The following CFH variants were observed in gnomAD, a reference collection of about 807,000 sequenced individuals.
The protein encoded by CFH is complement factor H.
A neutral mutation model predicts 147.3 loss-of-function variants in CFH; 53 were observed. The observed-to-expected ratio is 0.36, with a 90% CI of 0.29 to 0.45. The LOEUF (loss-of-function observed/expected upper bound fraction) is 0.45. Ranked by LOEUF, CFH falls within the 20% of genes least tolerant of loss-of-function variation. The pLI is 1.00. For synonymous variants in CFH, 536 were observed against 489.4 expected, an observed-to-expected ratio of 1.10 and a Z score of -1.26; for missense variants, 1,380 against 1,498.0, an observed-to-expected ratio of 0.92 and a Z score of 1.30.
rs144992516 is a variant in CFH at position 196,694,024 on chromosome 1, T to C, written c.1336+3785T>C. Among the ~76,000 whole-genome samples, 648 of 151,218 alleles carry C rather than the reference T, an allele frequency of 4.3e-3. 3 individuals carry two copies. Among genetic ancestry groups the C allele is most frequent in the Middle Eastern group, 6.8e-3 (2 of 294 alleles). ...TTATTATACTTTAAGTTCTGGGATA[T>C]ATGTGCAGAACGTGCAGGTTTGTTA... On this transcript the variant is annotated intron_variant, in intron 9 of 21. Transcript: ENST00000367429.
Position 196,736,878 on chromosome 1 carries a change from T to C in CFH, c.2468T>C (p.Met823Thr), listed in dbSNP as rs1226060948. ...PPPQIPNSHNMTTTLNYRDGE... is the reference protein window; with the variant it reads ...PPPQIPNSHNTTTTLNYRDGE... ...CCTCAGATTCCCAATTCTCACAATA[T>C]GACAACCACACTGAATTATCGGGAT... Residue 823 changes from methionine (M) to threonine (T), a missense_variant, in exon 16 of 22, where the codon ATG becomes ACG. Met to Thr is a moderately conservative substitution (Grantham distance 81). Coordinates refer to ENST00000367429, the MANE Select transcript of CFH (RefSeq NM_000186.4). The C allele has an allele frequency of 1.3e-6, 2 of 1,599,770 alleles. No homozygotes were observed. Among genetic ancestry groups the C allele is most frequent in the Admixed American group, 1.7e-5 (1 of 58,694 alleles).
rs186251475 is a variant in CFH at position 196,701,879 on chromosome 1, A to T, written c.1336+11640A>T. 4.6e-3 allele frequency among the ~76,000 whole-genome samples: 697 copies of T among 152,300 alleles called. 4 individuals carry two copies. The highest frequency in any genetic ancestry group is 0.016 in the African/African-American group (660 of 41,572). On this transcript the variant is annotated intron_variant, in intron 9 of 21. Coordinates refer to ENST00000367429, the MANE Select transcript of CFH (RefSeq NM_000186.4). ...CAAAAAAAGATTATCTTACTTTTTA[A>T]CATGGCTTAACCTTAATACCCACTG... is the stretch of plus-strand genomic sequence containing the variant.
chr1:196,691,025 A>ATTT (rs1457097664), intron 9 of CFH, among the ~76,000 whole-genome samples: 2 of 152,052 alleles, frequency 1.3e-5, no homozygotes, highest in African/African-American at 4.8e-5. Context: ...TTGCAGTTCG[A>ATTT]TTTTACAGGC....
In CFH at chr1:196,685,090, C is replaced by T; in HGVS notation, c.817C>T (p.Pro273Ser). 1.9e-6 allele frequency: 3 copies of T among 1,610,656 alleles called. No individual in the cohort carries two copies. The highest frequency in any genetic ancestry group is 2.7e-5 in the African/African-American group (2 of 74,868). ...AAAATCATGTGATAATCCTTATATT[C>T]CAAATGGTGACTACTCACCTTTAAG... ...EEKSCDNPYI[P>S]NGDYSPLRIK... Residue 273 changes from proline (P) to serine (S), a missense_variant, in exon 7 of 22, where the codon CCA (proline) becomes TCA (serine). Physicochemically the swap from Pro to Ser is moderately conservative, Grantham distance 74 (BLOSUM62 -1). Around this residue, in one of 4 missense-constraint regions of CFH, gnomAD observed 167 missense variants for 228.0 expected, o/e 0.73. Transcript: ENST00000367429.
Position 196,736,983 on chromosome 1 carries a change from G to A in CFH, c.2573G>A (p.Trp858Ter), listed in dbSNP as rs1315461639. ...GEEITCKDGR[W>*]QSIPLCVEKI... is the part of the protein sequence containing the mutation. ...GAAATTACATGCAAAGATGGAAGAT[G>A]GCAGTCAATACCACTCTGTGTTGGT... Residue 858 changes from tryptophan to a stop codon, truncating the protein, a stop_gained, in exon 16 of 22, where the codon TGG (tryptophan) becomes TAG (stop). Transcript: ENST00000367429. LOFTEE classifies it high-confidence loss of function. 6.2e-7 allele frequency: 1 copy of A among 1,610,476 alleles called. No individual in the cohort carries two copies. The highest frequency in any genetic ancestry group is 8.5e-7 in the Non-Finnish European group (1 of 1,177,744).
Position 196,725,244 on chromosome 1 carries a change from A to T in CFH, c.1820A>T (p.Asn607Ile). Residue 607 changes from asparagine to isoleucine, a missense_variant, in exon 12 of 22, where the codon AAT (asparagine) becomes ATT (isoleucine). By Grantham distance (149) the Asn-to-Ile change is moderately radical. Coordinates refer to ENST00000367429, the MANE Select transcript of CFH (RefSeq NM_000186.4). ...CCAGGATTTACAATAGTTGGACCTA[A>T]TTCCGTTCAGTGCTACCACTTTGGA... ...CKPGFTIVGP[N>I]SVQCYHFGLS... 6.2e-7 allele frequency: 1 copy of T among 1,614,012 alleles called. No homozygotes were observed. Among genetic ancestry groups the T allele is most frequent in the Non-Finnish European group, 8.5e-7 (1 of 1,179,926 alleles).
chr1:196,693,155 T>A (rs930166809), intron 9 of CFH, among the ~76,000 whole-genome samples: 2 of 151,988 alleles, frequency 1.3e-5, no homozygotes, highest in African/African-American at 4.8e-5. Flanking sequence ...TTTAATAAAA[T>A]CTAAATTCCT....
At chr1:196,712,244 G>GCC (rs1385144040) in intron 9 of CFH, among the ~76,000 whole-genome samples, 5 of 151,634 alleles carry the variant, frequency 3.3e-5, no homozygotes, top group African/African-American at 1.2e-4. Context: ...TTCTTGCCTG[G>GCC]TCTTTTACCT....
In CFH at chr1:196,726,306, A is replaced by G. The variant is rs1198111403; in HGVS notation, c.1874-164A>G. ...TATACCTTCAATATGACAATTTAGT[A>G]TAAGTAATACAATATGAACACCATT... On this transcript the variant is annotated intron_variant, in intron 12 of 21. Transcript: ENST00000367429. Among the ~76,000 whole-genome samples the G allele has an allele frequency of 2.6e-5, 4 of 152,346 alleles. No individual in the cohort carries two copies. In the East Asian group the frequency reaches 5.8e-4, roughly 22 times the overall value.
At chr1:196,743,801 A>G (rs1652902568) in intron 20 of CFH, among the ~76,000 whole-genome samples, 173 bp downstream of exon 20, 1 of 152,192 alleles carries the variant, frequency 6.6e-6, no homozygotes, top group Non-Finnish European at 1.5e-5. Flanking sequence ...AATAGGGTAT[A>G]TTATTTTCCA....
At chr1:196,683,194 CAGG>C (rs745884018) in intron 6 of CFH, among the ~76,000 whole-genome samples, 2 of 151,396 alleles carry the variant, frequency 1.3e-5, no homozygotes, top group Non-Finnish European at 3.0e-5. Flanking sequence ...CAAGGAGAAG[CAGG>C]AGAACATAAA....
chr1:196,715,268 C>G (rs1668841298), intron 10 of CFH, among the ~76,000 whole-genome samples: 1 of 151,728 alleles, frequency 6.6e-6, no homozygotes, highest in South Asian at 2.1e-4. Flanking sequence ...TTATGATTTT[C>G]TTTAAAAAAT....
chr1:196,675,499 G>A (rs987227406), intron 3 of CFH, among the ~76,000 whole-genome samples: 5 of 152,050 alleles, frequency 3.3e-5, no homozygotes, highest in African/African-American at 9.7e-5. Flanking sequence ...ACAGAAATAC[G>A]GTCTAAGACT....
At chr1:196,684,244 T>C (rs533443111) in intron 6 of CFH, among the ~76,000 whole-genome samples, 13 of 152,104 alleles carry the variant, frequency 8.5e-5, no homozygotes, top group African/African-American at 3.1e-4. Context: ...TGTTTATGTA[T>C]TGTTTTTCAT....
intron 11 of CFH, among the ~76,000 whole-genome samples, chr1:196,716,282 A>C (rs1303299650): frequency 1.3e-5 from 2 of 152,124 alleles, no homozygotes; most frequent in African/African-American, 4.8e-5. Flanking sequence ...TGGGAAAACA[A>C]GTATATGCAG....
At chr1:196,663,667 A>G (rs1269271556) in intron 1 of CFH, among the ~76,000 whole-genome samples, 1 of 152,188 alleles carries the variant, frequency 6.6e-6, no homozygotes, top group East Asian at 1.9e-4. Context: ...TATTAAAGTT[A>G]CAACTTATCT....
chr1:196,670,866 A>G (rs1176624270), intron 1 of CFH, among the ~76,000 whole-genome samples: 1 of 152,086 alleles, frequency 6.6e-6, no homozygotes, highest in Non-Finnish European at 1.5e-5. Context: ...CCTTTGAGCT[A>G]TTGTTTCTTC....
chr1:196,722,568 G>A lies in CFH; in HGVS notation c.1697-2553G>A, dbSNP rs75399062. Among the ~76,000 whole-genome samples the A allele has an allele frequency of 7.6e-4, 115 of 152,132 alleles. 1 individual carries two copies. The East Asian group carries it at 0.02, about 27-fold the overall frequency. Reference sequence around the variant, plus strand: ...ATAGCCTGATGACTATATGTTTGTAGAAGTTCATCTCGCAATGCATCTTCC... The same window carrying A: ...ATAGCCTGATGACTATATGTTTGTAAAAGTTCATCTCGCAATGCATCTTCC... On this transcript the variant is annotated intron_variant, in intron 11 of 21. Coordinates refer to ENST00000367429, the MANE Select transcript of CFH (RefSeq NM_000186.4).
intron 20 of CFH, among the ~76,000 whole-genome samples, chr1:196,745,051 A>T (rs1652953754): frequency 6.6e-6 from 1 of 152,126 alleles, no homozygotes; most frequent in Non-Finnish European, 1.5e-5. Context: ...TGAATTGTTG[A>T]TCCCCTCGAG....
Sources: gnomAD v4.1 joint callset for allele counts (sites outside exome capture counted in the v4.1 genomes callset) on GRCh38, gnomAD v4.1.1 for gene constraint, gnomAD v4.1.1 regional missense constraint, MANE v1.5 for transcripts, NCBI Gene and HGNC (gene_info 2026-07-23, HGNC 2026-07-21) for gene names.